UBAC2: variants seen among roughly 807,000 people sequenced by gnomAD.
UBAC2 encodes the protein ubiquitin-associated domain-containing protein 2.
A neutral mutation model predicts 44.0 loss-of-function variants in UBAC2; 26 were observed. The observed-to-expected ratio is 0.59, with a 90% CI of 0.43 to 0.82. The LOEUF (loss-of-function observed/expected upper bound fraction) is 0.82, where lower values mean the gene tolerates loss of function less well. UBAC2 is among the 40% of genes least tolerant of loss of function. The pLI, the probability that UBAC2 is intolerant of heterozygous loss-of-function variation, is 0.00. For missense variants in UBAC2, 329 were observed against 419.4 expected, an observed-to-expected ratio of 0.78 and a Z score of 1.88; for synonymous variants, 155 against 154.3, an observed-to-expected ratio of 1.00 and a Z score of -0.04.
At chr13:99,206,276 G>T (rs997804492) in intron 1 of UBAC2, among the ~76,000 whole-genome samples, 10 of 152,224 alleles carry the variant, frequency 6.6e-5, no homozygotes, top group Non-Finnish European at 1.5e-4. Flanking sequence ...GAGGACTCCA[G>T]AGGTGGGGGG....
At chr13:99,267,096 T>C (rs1301199986) in intron 4 of UBAC2, among the ~76,000 whole-genome samples, 1 of 151,946 alleles carries the variant, frequency 6.6e-6, no homozygotes, top group Admixed American at 6.6e-5. Flanking sequence ...TGTCTCATTG[T>C]GGTTTCATTT....
chr13:99,332,103 G>C (rs527883949), intron 6 of UBAC2, among the ~76,000 whole-genome samples: 18 of 152,252 alleles, frequency 1.2e-4, no homozygotes, highest in African/African-American at 4.1e-4. Flanking sequence ...TGTCCCAGTA[G>C]ATGGTCGGTT....
rs374302490 is a variant in UBAC2 at position 99,385,218 on chromosome 13, C to T, written c.928-10C>T. The T allele has an allele frequency of 1.9e-6, 3 of 1,610,778 alleles. No individual in the cohort carries two copies. The highest frequency in any genetic ancestry group is 1.3e-5 in the African/African-American group (1 of 74,984). ...GCGCCCTCAGGTTTCTGCGTTTTCTCTGCCTGCAGGTCGCCCGGCTCATGG... is the reference window on the plus strand; with the variant it reads ...GCGCCCTCAGGTTTCTGCGTTTTCTTTGCCTGCAGGTCGCCCGGCTCATGG... On this transcript the variant is annotated splice_polypyrimidine_tract_variant and intron_variant, in intron 8 of 8. Transcript: ENST00000403766.
chr13:99,320,409 TGGAATATAA>T (rs751319660), intron 6 of UBAC2, among the ~76,000 whole-genome samples: 1 of 152,202 alleles, frequency 6.6e-6, no homozygotes, highest in Non-Finnish European at 1.5e-5. Flanking sequence ...ACAGTGTGTT[TGGAATATAA>T]TTCAAAGATA....
intron 4 of UBAC2, among the ~76,000 whole-genome samples, chr13:99,246,218 A>G (rs995757380): frequency 6.6e-6 from 1 of 152,164 alleles, no homozygotes; most frequent in Admixed American, 6.5e-5. Flanking sequence ...ATGAATGTTG[A>G]CCTTTAGCTC....
chr13:99,298,999 A>T (rs2044217908), intron 4 of UBAC2, among the ~76,000 whole-genome samples: 1 of 152,196 alleles, frequency 6.6e-6, no homozygotes, highest in Non-Finnish European at 1.5e-5. Flanking sequence ...ATTCATGGGA[A>T]TTGCCTTTAA....
chr13:99,212,076 C>T (rs1159903201), intron 1 of UBAC2, among the ~76,000 whole-genome samples: 1 of 152,210 alleles, frequency 6.6e-6, no homozygotes, highest in Non-Finnish European at 1.5e-5. Context: ...TGTGTATCCT[C>T]TGTTTTTCTC....
intron 5 of UBAC2, among the ~76,000 whole-genome samples, chr13:99,317,574 A>G (rs1190957375): frequency 6.6e-6 from 1 of 152,200 alleles, no homozygotes; most frequent in Non-Finnish European, 1.5e-5. Context: ...CTTCCCATCT[A>G]AATTTAGGGT....
At chr13:99,318,356 G>A in intron 6 of UBAC2, among the ~76,000 whole-genome samples, 1 of 151,302 alleles carries the variant, frequency 6.6e-6, no homozygotes, top group East Asian at 2.0e-4. Flanking sequence ...TAGTAGAGAT[G>A]GGGTTTCTCC....
intron 4 of UBAC2, among the ~76,000 whole-genome samples, chr13:99,304,996 T>C (rs2044311044): frequency 6.6e-6 from 1 of 152,208 alleles, no homozygotes; most frequent in Admixed American, 6.5e-5. Context: ...GAGATGTTGA[T>C]TCAAATGAAG....
chr13:99,219,172 G>A (rs1302408894), intron 1 of UBAC2, among the ~76,000 whole-genome samples: 3 of 152,156 alleles, frequency 2.0e-5, no homozygotes, highest in Non-Finnish European at 4.4e-5. Context: ...GCTTTTTGAT[G>A]TGTGTATTTT....
At chr13:99,203,195 C>G in intron 1 of UBAC2, among the ~76,000 whole-genome samples, 1 of 152,040 alleles carries the variant, frequency 6.6e-6, no homozygotes, top group African/African-American at 2.4e-5. Flanking sequence ...CACCATCACA[C>G]CTGGCTATTT....
rs750048232 is a variant in UBAC2, at chr13:99,385,349, A to G, written c.*14A>G. 2 of 1,603,520 alleles carry G rather than the reference A, an allele frequency of 1.2e-6. No individual in the cohort carries two copies. Among genetic ancestry groups the G allele is most frequent in the Non-Finnish European group, 1.7e-6 (2 of 1,170,676 alleles). ...CTGCAGCACTGATAGTCCCAGGCCA[A>G]CACTGGGACCGGACCGGCAGCCGAG... On this transcript the variant is annotated 3_prime_UTR_variant, in exon 9 of 9. Coordinates refer to ENST00000403766, the MANE Select transcript of UBAC2 (RefSeq NM_001144072.2).
At chr13:99,315,190 T>TA (rs1229490441) in intron 5 of UBAC2, among the ~76,000 whole-genome samples, 10 of 152,126 alleles carry the variant, frequency 6.6e-5, no homozygotes, top group African/African-American at 2.2e-4. Flanking sequence ...TCAACCCCCG[T>TA]ACCGTTACAC....
At position 99,200,948 on chromosome 13, in the gene UBAC2, C is replaced by T. The variant is rs769582705; in HGVS notation, c.31+9C>T. The T allele has an allele frequency of 3.1e-6, 4 of 1,306,726 alleles. No homozygotes were observed. In the African/African-American group the frequency reaches 6.1e-5, roughly 20 times the overall value. 80.9% of individuals were successfully genotyped at this position (1,306,726 alleles called of 1,614,324 possible). On this transcript the variant is annotated intron_variant, in intron 1 of 8. Transcript: ENST00000403766. ...CGGCTCCAGTGGGCTCTGTGAGTACCGGCCTCCGCCATCCTGGCTGCCCCC... is the reference window on the plus strand; with the variant it reads ...CGGCTCCAGTGGGCTCTGTGAGTACTGGCCTCCGCCATCCTGGCTGCCCCC...
At chr13:99,201,281 C>T (rs1364634623) in intron 1 of UBAC2, 2 of 1,451,268 alleles carry the variant, frequency 1.4e-6, no homozygotes, top group Non-Finnish European at 9.1e-7. Context: ...GCGTGTGCCG[C>T]GCTGAAGGAA....
At chr13:99,300,871 A>T (rs976298760) in intron 4 of UBAC2, among the ~76,000 whole-genome samples, 5 of 152,120 alleles carry the variant, frequency 3.3e-5, no homozygotes, top group African/African-American at 1.2e-4. Flanking sequence ...CAATATTTGG[A>T]TAGTATAGTT....
At chr13:99,335,635 A>C (rs2044777718) in intron 6 of UBAC2, among the ~76,000 whole-genome samples, 15 of 152,176 alleles carry the variant, frequency 9.9e-5, no homozygotes, top group Admixed American at 9.2e-4. Context: ...TCCACTTTAA[A>C]CACATCAGTA....
At chr13:99,296,758 AAAG>A (rs1408061840) in intron 4 of UBAC2, among the ~76,000 whole-genome samples, 17 of 152,300 alleles carry the variant, frequency 1.1e-4, no homozygotes, top group South Asian at 2.1e-4. Context: ...TTCTTTTTAA[AAAG>A]AAGAAGACGA....
Sources: gnomAD v4.1 joint callset for allele counts (sites outside exome capture counted in the v4.1 genomes callset) on GRCh38, gnomAD v4.1.1 for gene constraint, MANE v1.5 for transcripts, NCBI Gene and HGNC (gene_info 2026-07-23, HGNC 2026-07-21) for gene names.